MCM5: variants seen among roughly 807,000 people sequenced by gnomAD.
MCM5 encodes DNA replication licensing factor MCM5.
Under a neutral mutation model 79.9 loss-of-function variants are expected in MCM5, and 46 were observed. The ratio of observed to expected loss-of-function variants is 0.58; its 90% CI spans 0.45 to 0.74. The LOEUF (loss-of-function observed/expected upper bound fraction) is 0.74. Ranked by LOEUF, MCM5 falls within the 30% of genes least tolerant of loss-of-function variation. MCM5 has a pLI of 0.00. For missense variants in MCM5, 883 were observed against 1,017.0 expected (o/e 0.87, Z 1.79); for synonymous variants, 404 against 390.5 (o/e 1.03, Z -0.41).
chr22:35,422,944 GTC>G (rs774154607), intron 15 of MCM5: 59 of 291,252 alleles, frequency 2.0e-4, no homozygotes, highest in Non-Finnish European at 3.2e-4. Flanking sequence ...CTCTGGCCAT[GTC>G]TCTGCTGCGC....
At chr22:35,446,490 C>T in the MCM5 span, among the ~76,000 whole-genome samples, 23 of 152,274 alleles carry the variant, frequency 1.5e-4, no homozygotes, top group African/African-American at 3.6e-4. Flanking sequence ...AGAGCTGCTG[C>T]GCACCCTGGA....
rs1569072057 is a variant in MCM5, at chr22:35,425,317, T to C, written c.*1062T>C. ...ACAAAGTGTCAAGCAAAACGTGAAT[T>C]TGGAAATCTATGGAACATTAGATAA... is the stretch of plus-strand genomic sequence containing the variant. On this transcript the variant is annotated 3_prime_UTR_variant, in exon 17 of 17. Transcript: ENST00000216122. The C allele has an allele frequency of 6.6e-6, 1 of 152,224 alleles. No homozygotes were observed. Among genetic ancestry groups the C allele is most frequent in the Non-Finnish European group, 1.5e-5 (1 of 68,044 alleles). The allele number at this position is 152,224 out of a possible 1,614,324, so 9.4% of individuals were successfully genotyped here.
At chr22:35,402,635 C>T (rs1412117002) in intron 2 of MCM5, among the ~76,000 whole-genome samples, 1 of 151,986 alleles carries the variant, frequency 6.6e-6, no homozygotes, top group East Asian at 1.9e-4. Flanking sequence ...GTCACTGCAG[C>T]CTCCACCTCT....
the MCM5 span, among the ~76,000 whole-genome samples, chr22:35,444,220 GGA>G: frequency 7.9e-5 from 12 of 151,774 alleles, no homozygotes; most frequent in African/African-American, 2.9e-4. Context: ...AGGGGAGGAG[GGA>G]GAGAGGGAGA....
chr22:35,428,022 T>C (rs1268826100), downstream of MCM5, among the ~76,000 whole-genome samples: 1 of 63,430 alleles, frequency 1.6e-5, no homozygotes, highest in Non-Finnish European at 2.7e-5. Flanking sequence ...TCTCTCTCTC[T>C]TTTTTTTTTT....
the MCM5 span, among the ~76,000 whole-genome samples, chr22:35,442,479 C>CAA: frequency 6.6e-6 from 1 of 152,194 alleles, no homozygotes; most frequent in Non-Finnish European, 1.5e-5. Flanking sequence ...GGGCTACAGT[C>CAA]AAAGTATGAA....
chr22:35,410,128 C>G (rs1036172661), intron 6 of MCM5: 1 of 157,376 alleles, frequency 6.4e-6, no homozygotes, highest in Admixed American at 6.1e-5. Flanking sequence ...TCGTCATCCC[C>G]CTAGGCTCAG....
intron 7 of MCM5, chr22:35,411,218 G>T (rs138135586): frequency 2.5e-4 from 56 of 224,276 alleles, no homozygotes; most frequent in African/African-American, 1.2e-3. Context: ...GAAGTGAAAC[G>T]CAGGGTTCCA....
intron 9 of MCM5, among the ~76,000 whole-genome samples, chr22:35,415,404 CTA>C (rs994665273): frequency 6.6e-6 from 1 of 152,168 alleles, no homozygotes; most frequent in African/African-American, 2.4e-5. Flanking sequence ...TTCAGGGGCT[CTA>C]TGGCAGTATG....
At chr22:35,406,043 C>T (rs1932201747) in intron 4 of MCM5, among the ~76,000 whole-genome samples, 1 of 151,812 alleles carries the variant, frequency 6.6e-6, no homozygotes, top group African/African-American at 2.4e-5. Flanking sequence ...AAAAATATTA[C>T]TGCCTTATTG....
intron 11 of MCM5, 107 bp from the exon 12 acceptor site, chr22:35,416,531 G>C (rs1932547542): frequency 2.0e-6 from 1 of 491,826 alleles, no homozygotes; most frequent in African/African-American, 4.0e-5. Flanking sequence ...GTGTGTGTGT[G>C]TGTGTGTGTG....
chr22:35,417,232 T>C (rs865948114), intron 12 of MCM5, among the ~76,000 whole-genome samples: 2 of 152,216 alleles, frequency 1.3e-5, no homozygotes, highest in African/African-American at 2.4e-5. Flanking sequence ...CTCAAACAAC[T>C]GTCTCTGCCT....
chr22:35,433,493 C>G, the MCM5 span, among the ~76,000 whole-genome samples: 1 of 152,212 alleles, frequency 6.6e-6, no homozygotes, highest in Admixed American at 6.5e-5. Context: ...GGCTCTTAGT[C>G]CAATGCTCCT....
chr22:35,405,020 A>AT (rs35626347), intron 4 of MCM5, among the ~76,000 whole-genome samples: 12,359 of 114,430 alleles, frequency 0.11, 792 homozygotes, highest in African/African-American at 0.16. Flanking sequence ...CTAGAGGCCA[A>AT]TTTTTTTTTT....
At chr22:35,444,435 T>C in the MCM5 span, among the ~76,000 whole-genome samples, 2 of 152,174 alleles carry the variant, frequency 1.3e-5, no homozygotes, top group East Asian at 3.9e-4. Context: ...GCTGCCCTGC[T>C]GGGGCTGGGG....
chr22:35,426,058 G>A (rs926326932), downstream of MCM5, among the ~76,000 whole-genome samples: 9 of 152,136 alleles, frequency 5.9e-5, no homozygotes, highest in Non-Finnish European at 1.2e-4. Flanking sequence ...GGGGAGGCAG[G>A]TGCCAGTCAG....
the MCM5 span, among the ~76,000 whole-genome samples, chr22:35,450,432 T>G: frequency 5.9e-5 from 9 of 151,828 alleles, no homozygotes; most frequent in African/African-American, 2.2e-4. Flanking sequence ...CCCTGTCCCT[T>G]TCCCTCTCCC....
chr22:35,402,030 T>C (rs1932069683), intron 2 of MCM5, among the ~76,000 whole-genome samples: 1 of 152,196 alleles, frequency 6.6e-6, no homozygotes, highest in African/African-American at 2.4e-5. Context: ...CCTGTGATAC[T>C]GCGAGGCTGG....
In MCM5 at chr22:35,413,999, G is replaced by T. The variant is rs1209635333; in HGVS notation, c.1203+13G>T. The T allele has an allele frequency of 1.9e-6, 3 of 1,580,032 alleles. No homozygotes were observed. The South Asian group carries it at 3.3e-5, about 17-fold the overall frequency. The stretch of plus-strand genomic sequence containing the variant: ...TTCTCCCATTGGGGTGAGTGGCCTG[G>T]GATACCTTTGCCACCTTGGCTTGCA... On this transcript the variant is annotated intron_variant, in intron 9 of 16. Transcript: ENST00000216122.
Sources: gnomAD v4.1 joint callset for allele counts (sites outside exome capture counted in the v4.1 genomes callset) on GRCh38, gnomAD v4.1.1 for gene constraint, MANE v1.5 for transcripts, NCBI Gene and HGNC (gene_info 2026-07-23, HGNC 2026-07-21) for gene names.